ALDH16A1: variants seen among roughly 807,000 people sequenced by gnomAD.
ALDH16A1 encodes aldehyde dehydrogenase 16 family member A1.
A neutral mutation model predicts 96.1 loss-of-function variants in ALDH16A1; 88 were observed. The ratio of observed to expected loss-of-function variants is 0.92; its 90% CI spans 0.77 to 1.09. The LOEUF is 1.09. ALDH16A1 is among the 50% of genes least tolerant of loss of function. The probability of loss-of-function intolerance (pLI) is 0.00; values close to 1 mark genes in which losing one functional copy is unlikely to be tolerated. For synonymous variants in ALDH16A1, 522 were observed against 496.4 expected, an observed-to-expected ratio of 1.05 and a Z score of -0.69; for missense variants, 1,250 against 1,112.6, an observed-to-expected ratio of 1.12 and a Z score of -1.76.
Position 49,460,807 on chromosome 19 carries a change from A to G in ALDH16A1, c.500-15A>G, listed in dbSNP as rs1267815739. 1 of 1,606,456 alleles carries G rather than the reference A, an allele frequency of 6.2e-7. No homozygotes were observed. Among genetic ancestry groups the G allele is most frequent in the Non-Finnish European group, 8.5e-7 (1 of 1,177,190 alleles). On this transcript the variant is annotated splice_polypyrimidine_tract_variant and intron_variant, in intron 4 of 16. Coordinates refer to ENST00000293350, the MANE Select transcript of ALDH16A1 (RefSeq NM_153329.4). Reference sequence around the variant, plus strand: ...TAGCCTCAAGGGATCCTCTTGCCTCATTTTTTTCTTGCAGGAGTAATTGGC... The same window carrying G: ...TAGCCTCAAGGGATCCTCTTGCCTCGTTTTTTTCTTGCAGGAGTAATTGGC...
rs2079219930 is a variant in ALDH16A1, at chr19:49,468,634, G to A, written c.2124+68G>A. On this transcript the variant is annotated intron_variant, in intron 15 of 16. Transcript: ENST00000293350. The surrounding 1 kb of genome is among the most constrained non-coding windows in gnomAD (Gnocchi z 4.4). ...GGGCAGCAGAAAAAGGCGCCCCAAA[G>A]TCGGCAGGAGCTTGTCTCTTACCCC... 6.4e-7 allele frequency: 1 copy of A among 1,556,396 alleles called. No homozygotes were observed. The highest frequency in any genetic ancestry group is 8.7e-7 in the Non-Finnish European group (1 of 1,153,454).
intron 1 of ALDH16A1, among the ~76,000 whole-genome samples, chr19:49,457,399 T>A (rs2079110946): frequency 6.6e-6 from 1 of 150,906 alleles, no homozygotes. Flanking sequence ...TACAAAAAAA[T>A]TAGCCAGGCG....
At chr19:49,462,107 C>T in intron 7 of ALDH16A1, 71 bp downstream of exon 7, 2 of 1,439,446 alleles carry the variant, frequency 1.4e-6, no homozygotes, top group Admixed American at 3.0e-5. Context: ...CTTCGGGGTC[C>T]CGAGTCTCTG....
At chr19:49,469,260 C>G (rs1185603975) in intron 16 of ALDH16A1, 4 of 300,330 alleles carry the variant, frequency 1.3e-5, no homozygotes, top group Non-Finnish European at 2.5e-5. Context: ...GGCCCACAGT[C>G]TACGCTTTGT....
intron 5 of ALDH16A1, among the ~76,000 whole-genome samples, 181 bp downstream of exon 5, chr19:49,461,080 G>A (rs2079137873): frequency 6.7e-6 from 1 of 149,610 alleles, no homozygotes; most frequent in South Asian, 2.1e-4. Flanking sequence ...CTGGAGTCTG[G>A]ACTCCTGAGT....
At position 49,464,156 on chromosome 19, in the gene ALDH16A1, C is replaced by T; in HGVS notation, c.1224C>T (p.Pro408=). ...EVPWPVVVAS[P]FRTAKEALLV... is the part of the protein sequence containing the mutation. ...CGTGGCCTGTGGTCGTGGCCTCCCC[C>T]TTCCGCACAGCCAAGGAGGCACTGT... is the stretch of plus-strand genomic sequence containing the variant. Residue 408 remains proline (P), a synonymous_variant, in exon 10 of 17, where the codon CCC becomes CCT. Coordinates refer to ENST00000293350, the MANE Select transcript of ALDH16A1 (RefSeq NM_153329.4). 1 of 1,609,018 alleles carries T rather than the reference C, an allele frequency of 6.2e-7. No individual in the cohort carries two copies. Among genetic ancestry groups the T allele is most frequent in the South Asian group, 1.1e-5 (1 of 90,998 alleles).
Position 49,464,195 on chromosome 19 carries a change from G to A in ALDH16A1, c.1263G>A (p.Gly421=), listed in dbSNP as rs1342837562. Residue 421 remains glycine (G), a synonymous_variant, in exon 10 of 17, where the codon GGG becomes GGA. Transcript: ENST00000293350. The part of the protein sequence containing the change: ...TAKEALLVAN[G]TPRGGSASVW... ...AGGAGGCACTGTTGGTGGCCAACGGGACGCCCCGCGGGGGCAGCGCCAGTG... is the reference window on the plus strand; with the variant it reads ...AGGAGGCACTGTTGGTGGCCAACGGAACGCCCCGCGGGGGCAGCGCCAGTG... 3.1e-6 allele frequency: 5 copies of A among 1,607,034 alleles called. No homozygotes were observed. The highest frequency in any genetic ancestry group is 4.2e-6 in the Non-Finnish European group (5 of 1,179,444).
chr19:49,456,835 C>T (rs2079107083), intron 1 of ALDH16A1, among the ~76,000 whole-genome samples: 1 of 152,206 alleles, frequency 6.6e-6, no homozygotes, highest in African/African-American at 2.4e-5. Context: ...AAGCCAGGCA[C>T]AGTGGCTCAT....
intron 1 of ALDH16A1, among the ~76,000 whole-genome samples, chr19:49,455,780 G>A (rs1482741307): frequency 1.3e-5 from 2 of 152,152 alleles, no homozygotes; most frequent in Non-Finnish European, 2.9e-5. Flanking sequence ...TTGGACTTGA[G>A]TCCTTGCATT....
At position 49,459,954 on chromosome 19, in the gene ALDH16A1, A is replaced by G. The variant is rs961405717; in HGVS notation, c.499+106A>G. ...AGACAGAGTTTCGCTCTTGTCGCCC[A>G]GGCCGGAGTGCAGTGGCGCAATCTT... On this transcript the variant is annotated intron_variant, in intron 4 of 16. Coordinates refer to ENST00000293350, the MANE Select transcript of ALDH16A1 (RefSeq NM_153329.4). The surrounding 1 kb of genome is among the most constrained non-coding windows in gnomAD (Gnocchi z 4.1). 5 of 1,351,052 alleles carry G rather than the reference A, an allele frequency of 3.7e-6. No homozygotes were observed. Among genetic ancestry groups the G allele is most frequent in the Non-Finnish European group, 4.9e-6 (5 of 1,013,174 alleles). The allele number at this position is 1,351,052 out of a possible 1,614,324, so 83.7% of individuals were successfully genotyped here. A position where few individuals can be genotyped will look rare whatever the true frequency, so the allele number is the denominator to read the frequency against.
In ALDH16A1 at chr19:49,461,626, C is replaced by G; in HGVS notation, c.585C>G (p.Thr195=). 2 of 1,587,430 alleles carry G rather than the reference C, an allele frequency of 1.3e-6. No homozygotes were observed. Among genetic ancestry groups the G allele is most frequent in the Non-Finnish European group, 1.7e-6 (2 of 1,168,230 alleles). ...GCTGCCCCACTTCCCCAGGCTGCAC[C>G]GTGGTGGCCCTCGTGCCCCCGGCCT... is the stretch of plus-strand genomic sequence containing the variant. ...RICPALAVGC[T]VVALVPPASP... is the part of the protein sequence containing the mutation. Residue 195 remains threonine (T), a synonymous_variant, in exon 6 of 17, where the codon ACC becomes ACG. Transcript: ENST00000293350.
chr19:49,464,464 C>G lies in ALDH16A1; in HGVS notation c.1379C>G (p.Pro460Arg), dbSNP rs2079180897. The G allele has an allele frequency of 3.1e-6, 5 of 1,612,138 alleles. No individual in the cohort carries two copies. The highest frequency in any genetic ancestry group is 4.2e-6 in the Non-Finnish European group (5 of 1,179,326). ...ATCAACGCCCACGGCCTCAGAGACC[C>G]TTCGGTGCCCACAGGCGGCTGCAAG... ...VWINAHGLRD[P>R]SVPTGGCKES... The change falls in exon 11 of 17, where the codon CCT becomes CGT. Residue 460 changes from proline to arginine, a missense_variant. By Grantham distance (103) the Pro-to-Arg change is moderately radical. Coordinates refer to ENST00000293350, the MANE Select transcript of ALDH16A1 (RefSeq NM_153329.4).
intron 2 of ALDH16A1, 33 bp from the exon 3 acceptor site, chr19:49,458,927 C>T (rs556553959): frequency 8.7e-6 from 14 of 1,602,100 alleles, no homozygotes; most frequent in Middle Eastern, 1.7e-4. Context: ...TGGGCTACTC[C>T]TCCCATCTGA....
chr19:49,464,097 A>C, intron 9 of ALDH16A1, 30 bp from the exon 10 acceptor site: 1 of 1,599,710 alleles, frequency 6.3e-7, no homozygotes, highest in Non-Finnish European at 8.5e-7. Flanking sequence ...TGGGCCCTGG[A>C]GGGCTGAGCC....
intron 1 of ALDH16A1, among the ~76,000 whole-genome samples, chr19:49,454,024 T>TTTTTGGG (rs1555798651): frequency 8.8e-6 from 1 of 114,048 alleles, no homozygotes; most frequent in Non-Finnish European, 1.9e-5. Flanking sequence ...GGTTGGGTTT[T>TTTTTGGG]TTTTTTGTTT....
Position 49,464,637 on chromosome 19 carries a change from G to T in ALDH16A1, c.1443G>T (p.Leu481=). The T allele has an allele frequency of 6.2e-7, 1 of 1,614,116 alleles. No individual in the cohort carries two copies. Among genetic ancestry groups the T allele is most frequent in the Non-Finnish European group, 8.5e-7 (1 of 1,180,008 alleles). Residue 481 remains leucine, a synonymous_variant, in exon 12 of 17, where the codon CTG becomes CTT. Coordinates refer to ENST00000293350, the MANE Select transcript of ALDH16A1 (RefSeq NM_153329.4). Reference sequence around the variant, plus strand: ...TGACACCGTCCCTCTCACAGGGGCTGTATGAGTATCTGCGGCCCTCAGGGA... The same window carrying T: ...TGACACCGTCCCTCTCACAGGGGCTTTATGAGTATCTGCGGCCCTCAGGGA... ...GCSWHGGPDG[L]YEYLRPSGTP... is the part of the protein sequence containing the mutation.
intron 14 of ALDH16A1, among the ~76,000 whole-genome samples, chr19:49,466,658 A>C (rs542596458): frequency 1.1e-3 from 168 of 152,144 alleles, no homozygotes; most frequent in African/African-American, 3.8e-3. Context: ...CAGGAGATCG[A>C]GACCAGCCTG....
Position 49,460,828 on chromosome 19 carries a change from T to C in ALDH16A1, c.506T>C (p.Ile169Thr), listed in dbSNP as rs551822517. 25 of 1,612,240 alleles carry C rather than the reference T, an allele frequency of 1.6e-5. No individual in the cohort carries two copies. In the African/African-American group the frequency reaches 2.0e-4, roughly 13 times the overall value. ...ALAGWEPMGV[I>T]GLILPPTFSF... ...CCTCATTTTTTTCTTGCAGGAGTAATTGGCCTCATCCTGCCACCCACATTC... is the reference window on the plus strand; with the variant it reads ...CCTCATTTTTTTCTTGCAGGAGTAACTGGCCTCATCCTGCCACCCACATTC... The change falls in exon 5 of 17, where the codon ATT (isoleucine) becomes ACT (threonine). Residue 169 changes from isoleucine (I) to threonine (T), a missense_variant. Transcript: ENST00000293350.
Position 49,468,173 on chromosome 19 carries a change from A to G in ALDH16A1, c.1939-208A>G. ...AGAGTCCGTCTCAAAAAAAAAAAAAAAGAAAGGCGGTTATGCAGGATGTTT... is the reference window on the plus strand; with the variant it reads ...AGAGTCCGTCTCAAAAAAAAAAAAAGAGAAAGGCGGTTATGCAGGATGTTT... On this transcript the variant is annotated intron_variant, in intron 14 of 16. Transcript: ENST00000293350. The surrounding 1 kb of genome is among the most constrained non-coding windows in gnomAD (Gnocchi z 4.4). 1.8e-6 allele frequency: 1 copy of G among 541,184 alleles called. No homozygotes were observed. Among genetic ancestry groups the G allele is most frequent in the Non-Finnish European group, 3.2e-6 (1 of 308,130 alleles). 33.5% of individuals were successfully genotyped at this position (541,184 alleles called of 1,614,324 possible). A position where few individuals can be genotyped will look rare whatever the true frequency, so the allele number is the denominator to read the frequency against.
Sources: gnomAD v4.1 joint callset for allele counts (sites outside exome capture counted in the v4.1 genomes callset) on GRCh38, gnomAD v4.1.1 for gene constraint, Gnocchi (gnomAD v3.1) non-coding constraint, MANE v1.5 for transcripts, NCBI Gene and HGNC (gene_info 2026-07-23, HGNC 2026-07-21) for gene names.